The following PIAS1 variants were observed in gnomAD, a reference collection of about 807,000 sequenced individuals.
PIAS1 encodes the protein E3 SUMO-protein ligase PIAS1.
Under a neutral mutation model 71.3 loss-of-function variants are expected in PIAS1, and 6 were observed. That is an observed-to-expected ratio of 0.08 (90% CI 0.05 to 0.17). The LOEUF (loss-of-function observed/expected upper bound fraction) is 0.17. PIAS1 is among the 10% of genes least tolerant of loss of function. PIAS1 has a pLI of 1.00. For synonymous variants in PIAS1, 303 were observed against 292.9 expected (o/e 1.03, Z -0.35); for missense variants, 555 against 793.6 (o/e 0.70, Z 3.61).
intron 2 of PIAS1, among the ~76,000 whole-genome samples, chr15:68,088,669 G>T (rs2092308022): frequency 6.6e-6 from 1 of 152,102 alleles, no homozygotes; most frequent in African/African-American, 2.4e-5. Flanking sequence ...AATATTTGTT[G>T]AAGGGCAATG....
At chr15:68,164,877 A>G in intron 8 of PIAS1, 73 bp downstream of exon 8, 4 of 804,258 alleles carry the variant, frequency 5.0e-6, no homozygotes, top group African/African-American at 1.7e-5. Flanking sequence ...TATTTTTACT[A>G]TTTGAGAAAT....
chr15:68,153,564 T>C (rs2092864595), intron 6 of PIAS1, 26 bp from the exon 7 acceptor site: 4 of 1,058,952 alleles, frequency 3.8e-6, no homozygotes, highest in Non-Finnish European at 5.8e-6. Context: ...ATATGTTGTT[T>C]GTTTTCTACT....
chr15:68,072,323 C>G (rs2092106101), intron 1 of PIAS1, among the ~76,000 whole-genome samples: 1 of 148,014 alleles, frequency 6.8e-6, no homozygotes, highest in Non-Finnish European at 1.5e-5. Flanking sequence ...TGGCGTGAAC[C>G]CAGGAGGCGG....
chr15:68,069,859 AAT>A (rs1169656797), intron 1 of PIAS1, among the ~76,000 whole-genome samples: 1 of 152,120 alleles, frequency 6.6e-6, no homozygotes, highest in Non-Finnish European at 1.5e-5. Flanking sequence ...CTATATGAAA[AAT>A]AGTTTGGTTC....
chr15:68,172,064 GC>G (rs1175422086), intron 8 of PIAS1, among the ~76,000 whole-genome samples: 1 of 141,726 alleles, frequency 7.1e-6, no homozygotes, highest in Non-Finnish European at 1.5e-5. Flanking sequence ...CCCTCCCCCA[GC>G]CCCCCACCCC....
chr15:68,062,871 C>T lies in PIAS1; in HGVS notation c.24+8521C>T, dbSNP rs561095882. On this transcript the variant is annotated intron_variant, in intron 1 of 13. Coordinates refer to ENST00000249636, the MANE Select transcript of PIAS1 (RefSeq NM_016166.3). ...TTTACAATAGATAGTGAAGATCTTT[C>T]CATGACATGTCCAGACAATGAGATG... Among the ~76,000 whole-genome samples the T allele has an allele frequency of 1.3e-3, 205 of 152,194 alleles. 1 individual carries two copies. The highest frequency in any genetic ancestry group is 4.5e-3 in the African/African-American group (188 of 41,510).
intron 1 of PIAS1, among the ~76,000 whole-genome samples, chr15:68,064,244 T>G (rs997821547): frequency 6.6e-6 from 1 of 152,192 alleles, no homozygotes; most frequent in African/African-American, 2.4e-5. Context: ...ACTGACAATA[T>G]TTGTTACTAA....
At chr15:68,072,399 CAAAAAAAAAAAAAAAA>C (rs1166484451) in intron 1 of PIAS1, among the ~76,000 whole-genome samples, 2 of 25,014 alleles carry the variant, frequency 8.0e-5, no homozygotes, top group South Asian at 2.2e-3. Context: ...GACTCCATCT[CAAAAAAAAAAAAAAAA>C]AAAAAAAAAA....
At chr15:68,126,512 G>T (rs1478943524) in intron 2 of PIAS1, among the ~76,000 whole-genome samples, 1 of 152,104 alleles carries the variant, frequency 6.6e-6, no homozygotes, top group African/African-American at 2.4e-5. Flanking sequence ...TTGGAATCTT[G>T]GCTCACTGCA....
In PIAS1 at chr15:68,142,113, G is replaced by A; in HGVS notation, c.554+83G>A. The A allele has an allele frequency of 6.9e-6, 7 of 1,012,770 alleles. No individual in the cohort carries two copies. The South Asian group carries it at 8.2e-5, about 12-fold the overall frequency. The allele number at this position is 1,012,770 out of a possible 1,614,324, so 62.7% of individuals were successfully genotyped here. A position where few individuals can be genotyped will look rare whatever the true frequency, so the allele number is the denominator to read the frequency against. On this transcript the variant is annotated intron_variant, in intron 3 of 13. Coordinates refer to ENST00000249636, the MANE Select transcript of PIAS1 (RefSeq NM_016166.3). ...AAATGATTTTAAAAAACAGTGATTG[G>A]TGAGTTAGTATTTGTGTGATGCAAA...
At chr15:68,154,114 TAATC>T (rs2092869681) in intron 7 of PIAS1, among the ~76,000 whole-genome samples, 1 of 152,210 alleles carries the variant, frequency 6.6e-6, no homozygotes, top group African/African-American at 2.4e-5. Context: ...ATTCTGCCAT[TAATC>T]AATTATATGA....
chr15:68,095,208 T>TA (rs1446873210), intron 2 of PIAS1, among the ~76,000 whole-genome samples: 1 of 152,136 alleles, frequency 6.6e-6, no homozygotes, highest in Non-Finnish European at 1.5e-5. Context: ...TTTAAGATCT[T>TA]ACTGGGATCG....
chr15:68,142,448 A>G, intron 4 of PIAS1, 111 bp downstream of exon 4: 1 of 836,248 alleles, frequency 1.2e-6, no homozygotes. Context: ...CAAAGTTTAA[A>G]AGATAATATT....
intron 2 of PIAS1, among the ~76,000 whole-genome samples, chr15:68,123,150 A>T (rs1428492095): frequency 6.6e-6 from 1 of 152,072 alleles, no homozygotes; most frequent in African/African-American, 2.4e-5. Flanking sequence ...CTCCTAGGCT[A>T]AAGTGGTCCT....
At position 68,174,456 on chromosome 15, in the gene PIAS1, A is replaced by G. The variant is rs1183102179; in HGVS notation, c.1169+564A>G. 6.6e-6 allele frequency among the ~76,000 whole-genome samples: 1 copy of G among 152,148 alleles called. No homozygotes were observed. The highest frequency in any genetic ancestry group is 2.4e-5 in the African/African-American group (1 of 41,424). On this transcript the variant is annotated intron_variant, in intron 9 of 13. Coordinates refer to ENST00000249636, the MANE Select transcript of PIAS1 (RefSeq NM_016166.3). The surrounding 1 kb of genome is among the most constrained non-coding windows in gnomAD (Gnocchi z 4.0). ...GGAATGTTCCTCTAAATTTTCTTCTATTCTGCAGCCCCCTTTTCCTCCTGC... is the reference window on the plus strand; with the variant it reads ...GGAATGTTCCTCTAAATTTTCTTCTGTTCTGCAGCCCCCTTTTCCTCCTGC...
At chr15:68,095,184 A>G (rs2092363336) in intron 2 of PIAS1, among the ~76,000 whole-genome samples, 1 of 152,226 alleles carries the variant, frequency 6.6e-6, no homozygotes. Context: ...ACAGTTTATC[A>G]AAGAAATCCA....
chr15:68,119,424 A>G, intron 2 of PIAS1, among the ~76,000 whole-genome samples: 1 of 151,334 alleles, frequency 6.6e-6, no homozygotes, highest in Non-Finnish European at 1.5e-5. Context: ...CAGCCTGGGC[A>G]ACAGAGCAAA....
In PIAS1 at chr15:68,122,993, GT is replaced by G. The variant is rs545626666; in HGVS notation, c.470-18940del. Among the ~76,000 whole-genome samples the G allele has an allele frequency of 2.0e-3, 282 of 139,092 alleles. 2 individuals are homozygous for G. Among genetic ancestry groups the G allele is most frequent in the Admixed American group, 7.5e-3 (105 of 14,038 alleles). 91.2% of individuals were successfully genotyped at this position (139,092 alleles called of 152,430 possible). ...AAACATTTCTTGTAAGGTAAAAGCTGTTTTTTTTTTTTTAAGCCTAAATCTC... is the reference window on the plus strand; with the variant it reads ...AAACATTTCTTGTAAGGTAAAAGCTGTTTTTTTTTTTTAAGCCTAAATCTC... On this transcript the variant is annotated intron_variant, in intron 2 of 13. Coordinates refer to ENST00000249636, the MANE Select transcript of PIAS1 (RefSeq NM_016166.3).
intron 2 of PIAS1, among the ~76,000 whole-genome samples, chr15:68,134,726 C>A (rs57362804): frequency 2.3e-5 from 1 of 43,508 alleles, no homozygotes; most frequent in African/African-American, 4.8e-5. Flanking sequence ...GCTGACCCCC[C>A]CACCTCCCTC....
Sources: allele counts gnomAD v4.1 joint callset (sites outside exome capture counted in the v4.1 genomes callset), GRCh38; gene constraint gnomAD v4.1.1; non-coding constraint Gnocchi (gnomAD v3.1); transcripts MANE v1.5; gene names NCBI Gene and HGNC (gene_info 2026-07-23, HGNC 2026-07-21).